The following FANK1 variants were observed in gnomAD, a reference collection of about 807,000 sequenced individuals.
FANK1 encodes the protein fibronectin type III and ankyrin repeat domains 1.
A neutral mutation model predicts 45.3 loss-of-function variants in FANK1; 44 were observed. The observed-to-expected ratio is 0.97, with a 90% confidence interval of 0.76 to 1.25. FANK1 has a LOEUF of 1.25. Ranked by LOEUF, FANK1 falls within the 50% of genes most tolerant of loss-of-function variation. FANK1 has a pLI of 0.00. For synonymous variants in FANK1, 149 were observed against 152.5 expected (o/e 0.98, Z 0.17); for missense variants, 391 against 424.4 (o/e 0.92, Z 0.69).
In FANK1 at chr10:125,983,216, C is replaced by A. The variant is rs1363034154; in HGVS notation, c.191+2878C>A. On this transcript the variant is annotated intron_variant, in intron 2 of 10. Coordinates refer to ENST00000368693, the MANE Select transcript of FANK1 (RefSeq NM_145235.5). This position sits in a 1 kb window ranked among gnomAD's most constrained non-coding sequence, Gnocchi z 4.3. ...ATTTTCCCCTCTCACCCTATTCTTT[C>A]TTCTGCCCTGGTCAGATTTTACCTC... Among the ~76,000 whole-genome samples, 4 of 152,144 alleles carry A rather than the reference C, an allele frequency of 2.6e-5. No individual in the cohort carries two copies. The highest frequency in any genetic ancestry group is 4.4e-5 in the Non-Finnish European group (3 of 68,036).
chr10:125,931,669 CT>C (rs144749421), intron 1 of FANK1, among the ~76,000 whole-genome samples: 6,002 of 152,298 alleles, frequency 0.039, 179 homozygotes, highest in Middle Eastern at 0.11. Flanking sequence ...TGTCTATTTA[CT>C]CTGCTGACTG....
chr10:125,964,186 C>CTTTTTTTT (rs71486557), intron 1 of FANK1, among the ~76,000 whole-genome samples: 32 of 78,428 alleles, frequency 4.1e-4, no homozygotes, highest in African/African-American at 6.5e-4. Flanking sequence ...TTCTCTCTCT[C>CTTTTTTTT]TTTTTTTTTT....
intron 2 of FANK1, among the ~76,000 whole-genome samples, chr10:125,986,919 A>G (rs188558812): frequency 2.6e-5 from 4 of 152,252 alleles, no homozygotes; most frequent in African/African-American, 9.6e-5. Context: ...CTTTAGCCAC[A>G]CACTTTGTGC....
At chr10:125,970,768 A>T (rs1306157801) in intron 1 of FANK1, among the ~76,000 whole-genome samples, 1 of 152,244 alleles carries the variant, frequency 6.6e-6, no homozygotes, top group Non-Finnish European at 1.5e-5. Context: ...GCGGCAGTAC[A>T]GTCCAGCCTC....
intron 1 of FANK1, among the ~76,000 whole-genome samples, chr10:125,945,566 G>A (rs1564898765): frequency 1.3e-5 from 2 of 152,212 alleles, no homozygotes; most frequent in Admixed American, 6.5e-5. Flanking sequence ...GGCGAACCAC[G>A]AGATTATATC....
Position 125,918,846 on chromosome 10 carries a change from A to T in FANK1, c.13+22191A>T, listed in dbSNP as rs188967103. Among the ~76,000 whole-genome samples the T allele has an allele frequency of 9.6e-4, 146 of 151,926 alleles. 1 individual carries two copies. Among genetic ancestry groups the T allele is most frequent in the African/African-American group, 3.5e-3 (143 of 41,426 alleles). ...CTCTTTATGCCCTAGATAGTTGGAG[A>T]AATTGCAGGGGAGAATCTCAGAAAT... On this transcript the variant is annotated intron_variant, in intron 1 of 10. Coordinates refer to ENST00000368693, the MANE Select transcript of FANK1 (RefSeq NM_145235.5).
intron 3 of FANK1, 75 bp downstream of exon 3, chr10:125,988,750 T>C (rs1192560284): frequency 6.2e-7 from 1 of 1,610,190 alleles, no homozygotes; most frequent in South Asian, 1.1e-5. Flanking sequence ...AAAAATATTC[T>C]GCCTCTCGTT....
At chr10:125,970,091 C>T (rs528435992) in intron 1 of FANK1, among the ~76,000 whole-genome samples, 75 of 152,308 alleles carry the variant, frequency 4.9e-4, no homozygotes, top group Middle Eastern at 3.4e-3. Context: ...CTTTTCTATT[C>T]GACAAAACCG....
At chr10:125,898,682 A>G (rs536197287) in intron 1 of FANK1, among the ~76,000 whole-genome samples, 22 of 152,172 alleles carry the variant, frequency 1.4e-4, no homozygotes, top group African/African-American at 4.8e-4. Context: ...GGAAAATTCA[A>G]CCGGAGCCTG....
At chr10:126,004,634 G>T (rs7897850) in intron 6 of FANK1, 278,795 of 423,020 alleles carry the variant, frequency 0.66, 93,649 homozygotes, top group East Asian at 0.79. Context: ...GCCTTTCATG[G>T]CTGGCATCTT....
At chr10:125,947,233 A>G (rs1490830142) in intron 1 of FANK1, among the ~76,000 whole-genome samples, 2 of 151,976 alleles carry the variant, frequency 1.3e-5, no homozygotes, top group East Asian at 3.9e-4. Flanking sequence ...AGCTAACATC[A>G]TAATGACAGG....
intron 1 of FANK1, among the ~76,000 whole-genome samples, chr10:125,918,190 T>C (rs1946613459): frequency 6.6e-6 from 1 of 152,308 alleles, no homozygotes; most frequent in Admixed American, 6.5e-5. Context: ...ATGAAAATGT[T>C]CTGGAGATGG....
At chr10:125,988,909 A>G (rs1438908544) in intron 3 of FANK1, 1 of 649,988 alleles carries the variant, frequency 1.5e-6, no homozygotes. Context: ...CTGTCCTGTT[A>G]GTAGCCATTC....
At chr10:125,902,824 C>T (rs1337833526) in intron 1 of FANK1, among the ~76,000 whole-genome samples, 236 of 141,874 alleles carry the variant, frequency 1.7e-3, no homozygotes, top group African/African-American at 7.4e-3. Flanking sequence ...TCCTTAAGCC[C>T]AGGAATCATT....
intron 1 of FANK1, among the ~76,000 whole-genome samples, chr10:125,918,585 A>AAAAATATAT (rs1554913277): frequency 1.3e-4 from 9 of 70,972 alleles, no homozygotes; most frequent in East Asian, 4.6e-4. Context: ...AAAAAAAAAA[A>AAAAATATAT]ATATATATAT....
chr10:125,994,395 A>G (rs1047017538), intron 3 of FANK1: 13 of 985,380 alleles, frequency 1.3e-5, no homozygotes, highest in Non-Finnish European at 1.4e-5. Flanking sequence ...GAATGAATAA[A>G]TGAGACCTTT....
Position 125,939,179 on chromosome 10 carries a change from C to T in FANK1, c.14-40982C>T, listed in dbSNP as rs190555454. Among the ~76,000 whole-genome samples, 375 of 152,200 alleles carry T rather than the reference C, an allele frequency of 2.5e-3. 1 individual carries two copies. The highest frequency in any genetic ancestry group is 3.8e-3 in the Non-Finnish European group (257 of 68,018). ...TCTTAAATGTGAATGTGAAAGACAACGAAAGATGGGCATCTGTTCTAGAAT... is the reference window on the plus strand; with the variant it reads ...TCTTAAATGTGAATGTGAAAGACAATGAAAGATGGGCATCTGTTCTAGAAT... On this transcript the variant is annotated intron_variant, in intron 1 of 10. Transcript: ENST00000368693.
chr10:125,898,958 G>A lies in FANK1; in HGVS notation c.13+2303G>A, dbSNP rs1216044323. Reference sequence around the variant, plus strand: ...CACCCAGGCTGGAGTATAGTGGTGCGATCATAGCTCAGTACACCCTCGAAC... The same window carrying A: ...CACCCAGGCTGGAGTATAGTGGTGCAATCATAGCTCAGTACACCCTCGAAC... On this transcript the variant is annotated intron_variant, in intron 1 of 10. Coordinates refer to ENST00000368693, the MANE Select transcript of FANK1 (RefSeq NM_145235.5). Among the ~76,000 whole-genome samples, 4 of 149,394 alleles carry A rather than the reference G, an allele frequency of 2.7e-5. No homozygotes were observed. The South Asian group carries it at 8.4e-4, about 32-fold the overall frequency.
chr10:125,919,450 C>A (rs1265932588), intron 1 of FANK1, among the ~76,000 whole-genome samples: 1 of 152,056 alleles, frequency 6.6e-6, no homozygotes, highest in African/African-American at 2.4e-5. Context: ...AGGTGATCCT[C>A]CCCCCTTGGC....
Sources: gnomAD v4.1 joint callset for allele counts (sites outside exome capture counted in the v4.1 genomes callset) on GRCh38, gnomAD v4.1.1 for gene constraint, Gnocchi (gnomAD v3.1) non-coding constraint, MANE v1.5 for transcripts, NCBI Gene and HGNC (gene_info 2026-07-23, HGNC 2026-07-21) for gene names.